ZMYM2: variants seen among roughly 807,000 people sequenced by gnomAD.
ZMYM2 encodes the protein zinc finger MYM-type containing 2.
Under a neutral mutation model 162.8 loss-of-function variants are expected in ZMYM2, and 56 were observed. That is an observed-to-expected ratio of 0.34 (90% CI 0.28 to 0.43). ZMYM2 has a LOEUF of 0.43. Ranked by LOEUF, ZMYM2 falls within the 20% of genes least tolerant of loss-of-function variation. The pLI is 1.00. For synonymous variants in ZMYM2, 510 were observed against 541.6 expected, an observed-to-expected ratio of 0.94 and a Z score of 0.81; for missense variants, 1,275 against 1,621.8, an observed-to-expected ratio of 0.79 and a Z score of 3.67.
chr13:20,031,551 A>ATT, intron 10 of ZMYM2, 116 bp downstream of exon 10: 2 of 653,116 alleles, frequency 3.1e-6, no homozygotes, highest in Non-Finnish European at 2.5e-6. Context: ...TGCTTTTCAG[A>ATT]TTTTTTTTTA....
the ZMYM2 span, among the ~76,000 whole-genome samples, chr13:19,895,782 T>C: frequency 6.6e-6 from 1 of 151,736 alleles, no homozygotes; most frequent in Non-Finnish European, 1.5e-5. Flanking sequence ...CCCAAAAGAA[T>C]TAAAAGCAAG....
chr13:20,052,382 T>G, intron 14 of ZMYM2, 71 bp downstream of exon 14: 1 of 1,418,134 alleles, frequency 7.1e-7, no homozygotes, highest in Non-Finnish European at 9.6e-7. Context: ...TTAGGCCAAT[T>G]TAATGTGATC....
At chr13:19,872,719 C>A in the ZMYM2 span, among the ~76,000 whole-genome samples, 11 of 152,118 alleles carry the variant, frequency 7.2e-5, no homozygotes, top group Admixed American at 7.2e-4. Flanking sequence ...CTTTTATAGA[C>A]CAGGCGCGGT....
rs1593144577 is a variant in ZMYM2, at chr13:20,055,171, G to A, written c.2493+2860G>A. On this transcript the variant is annotated intron_variant, in intron 14 of 24. Transcript: ENST00000610343. ...GTAGGGGCATTGGTGGATGGTGGTG[G>A]TCCTAGAACCAGTCCTCCACATATA... 2.0e-5 allele frequency among the ~76,000 whole-genome samples: 3 copies of A among 152,110 alleles called. No individual in the cohort carries two copies. The East Asian group carries it at 5.8e-4, about 29-fold the overall frequency.
At chr13:19,883,782 CTT>C in the ZMYM2 span, among the ~76,000 whole-genome samples, 2 of 152,048 alleles carry the variant, frequency 1.3e-5, no homozygotes, top group Non-Finnish European at 1.5e-5. Flanking sequence ...GAGCTGGAAT[CTT>C]TTAATTCTGT....
chr13:19,951,307 T>G, the ZMYM2 span, among the ~76,000 whole-genome samples: 1 of 152,022 alleles, frequency 6.6e-6, no homozygotes, highest in Non-Finnish European at 1.5e-5. Flanking sequence ...AATGAGAGAC[T>G]TTATTTACAA....
At chr13:19,938,931 C>A in the ZMYM2 span, among the ~76,000 whole-genome samples, 91 of 150,742 alleles carry the variant, frequency 6.0e-4, 1 homozygote, top group African/African-American at 2.2e-3. Context: ...CTTTTTTGTA[C>A]AAAGGAAACT....
chr13:20,039,857 C>T (rs888532583), intron 12 of ZMYM2, among the ~76,000 whole-genome samples: 1 of 152,070 alleles, frequency 6.6e-6, no homozygotes, highest in African/African-American at 2.4e-5. Flanking sequence ...TGGTTTTTGT[C>T]TTTAGTTCTG....
At chr13:19,933,279 A>T in the ZMYM2 span, among the ~76,000 whole-genome samples, 1 of 152,150 alleles carries the variant, frequency 6.6e-6, no homozygotes, top group African/African-American at 2.4e-5. Context: ...AGCTTCTGGG[A>T]ATAAGGTCCA....
the ZMYM2 span, among the ~76,000 whole-genome samples, chr13:19,951,921 G>T: frequency 6.6e-6 from 1 of 152,018 alleles, no homozygotes; most frequent in African/African-American, 2.4e-5. Flanking sequence ...GTTCCTTCAG[G>T]TGGTGCCTAC....
At chr13:19,904,646 T>C in the ZMYM2 span, among the ~76,000 whole-genome samples, 1 of 152,342 alleles carries the variant, frequency 6.6e-6, no homozygotes, top group Admixed American at 6.5e-5. Context: ...AAAAATTACC[T>C]GTCATTCAAC....
the ZMYM2 span, among the ~76,000 whole-genome samples, chr13:19,950,824 T>A: frequency 6.6e-6 from 1 of 152,202 alleles, no homozygotes; most frequent in Non-Finnish European, 1.5e-5. Flanking sequence ...AATCATAGAA[T>A]TTATTGATGG....
intron 2 of ZMYM2, among the ~76,000 whole-genome samples, chr13:19,960,984 A>G (rs1410658167): frequency 1.3e-5 from 2 of 152,256 alleles, no homozygotes; most frequent in African/African-American, 4.8e-5. Flanking sequence ...ATGTGAGAAT[A>G]GTAACTTACA....
chr13:20,038,292 A>G (rs985024134), intron 12 of ZMYM2, among the ~76,000 whole-genome samples: 1 of 151,264 alleles, frequency 6.6e-6, no homozygotes, highest in African/African-American at 2.4e-5. Context: ...CTTTAATTAA[A>G]CCCCATTTGT....
At chr13:19,990,775 CTCA>C (rs1678602974) in intron 2 of ZMYM2, among the ~76,000 whole-genome samples, 1 of 152,116 alleles carries the variant, frequency 6.6e-6, no homozygotes, top group South Asian at 2.1e-4. Flanking sequence ...CCAGTATCTC[CTCA>C]TCTTTTCAGA....
chr13:19,918,103 T>C, the ZMYM2 span, among the ~76,000 whole-genome samples: 1 of 151,980 alleles, frequency 6.6e-6, no homozygotes, highest in Non-Finnish European at 1.5e-5. Flanking sequence ...ATAAAGGTGA[T>C]AATATCTCCA....
At chr13:20,061,264 C>T (rs142617320) in intron 17 of ZMYM2, 40 bp downstream of exon 17, 2 of 1,590,018 alleles carry the variant, frequency 1.3e-6, no homozygotes, top group South Asian at 1.1e-5. Flanking sequence ...TAAGTGTTAA[C>T]ATTGGTTATT....
chr13:19,867,067 G>A, the ZMYM2 span, among the ~76,000 whole-genome samples: 1 of 152,180 alleles, frequency 6.6e-6, no homozygotes, highest in South Asian at 2.1e-4. Context: ...AAGTGGCTTA[G>A]TACAGCCAGG....
intron 21 of ZMYM2, among the ~76,000 whole-genome samples, chr13:20,081,123 T>C (rs1365536404): frequency 6.6e-6 from 1 of 152,256 alleles, no homozygotes; most frequent in Non-Finnish European, 1.5e-5. Flanking sequence ...CATCTTTTTC[T>C]GCCTTCCTTT....
Sources: allele counts gnomAD v4.1 joint callset (sites outside exome capture counted in the v4.1 genomes callset), GRCh38; gene constraint gnomAD v4.1.1; transcripts MANE v1.5; gene names NCBI Gene and HGNC (gene_info 2026-07-23, HGNC 2026-07-21).